Variants in MAPK8IP3 observed in about 807,000 individuals in gnomAD.
The protein encoded by MAPK8IP3 is C-Jun-amino-terminal kinase-interacting protein 3.
In MAPK8IP3, 49 loss-of-function variants were observed where a neutral mutation model predicts 157.8. The observed-to-expected ratio is 0.31, with a 90% confidence interval of 0.25 to 0.39. The LOEUF (loss-of-function observed/expected upper bound fraction) is 0.39. Ranked by LOEUF, MAPK8IP3 falls within the 10% of genes least tolerant of loss-of-function variation. The probability of loss-of-function intolerance (pLI) is 1.00; values close to 1 mark genes in which losing one functional copy is unlikely to be tolerated. For synonymous variants in MAPK8IP3, 897 were observed against 777.7 expected, an observed-to-expected ratio of 1.15 and a Z score of -2.55; for missense variants, 1,478 against 1,889.4, an observed-to-expected ratio of 0.78 and a Z score of 4.04.
chr16:1,765,615 G>A (rs192548842), intron 20 of MAPK8IP3, among the ~76,000 whole-genome samples: 155 of 152,344 alleles, frequency 1.0e-3, no homozygotes, highest in African/African-American at 3.3e-3. Flanking sequence ...CTGGGAGGAC[G>A]AAGGGGTGCC....
At chr16:1,750,298 C>A (rs551169639) in intron 8 of MAPK8IP3, among the ~76,000 whole-genome samples, 1 of 151,554 alleles carries the variant, frequency 6.6e-6, no homozygotes, top group Non-Finnish European at 1.5e-5. Context: ...CTGCAACCTC[C>A]GCCTCCCAGG....
chr16:1,766,504 C>G (rs989447321), intron 22 of MAPK8IP3, 25 bp from the exon 23 acceptor site: 26 of 1,609,242 alleles, frequency 1.6e-5, no homozygotes, highest in East Asian at 2.2e-5. Context: ...CGTGGCCCCC[C>G]CTGGAGCCAC....
At chr16:1,737,601 C>T (rs1312260098) in intron 4 of MAPK8IP3, among the ~76,000 whole-genome samples, 4 of 58,118 alleles carry the variant, frequency 6.9e-5, no homozygotes, top group Admixed American at 2.4e-4. Flanking sequence ...TCCGTGTGAG[C>T]GTGTGACCGT....
At position 1,751,133 on chromosome 16, in the gene MAPK8IP3, G is replaced by A. The variant is rs866511743; in HGVS notation, c.1216+2413G>A. On this transcript the variant is annotated intron_variant, in intron 8 of 31. Transcript: ENST00000610761. The surrounding 1 kb of genome is among the most constrained non-coding windows in gnomAD (Gnocchi z 5.0). ...TCGGTCCTTACTGCAGCATCAAGCC[G>A]CCCTCCTGCCAGTGTCCCCATTTAT... Among the ~76,000 whole-genome samples the A allele has an allele frequency of 5.9e-5, 9 of 152,198 alleles. No individual in the cohort carries two copies. Among genetic ancestry groups the A allele is most frequent in the Middle Eastern group, 6.8e-3 (2 of 294 alleles).
At chr16:1,720,326 G>A (rs1419533954) in intron 1 of MAPK8IP3, among the ~76,000 whole-genome samples, 4 of 152,124 alleles carry the variant, frequency 2.6e-5, no homozygotes, top group Admixed American at 6.6e-5. Flanking sequence ...ATGAGCCACC[G>A]TGCCCGGCCA....
At chr16:1,752,215 C>T (rs930738879) in intron 8 of MAPK8IP3, 15 of 163,532 alleles carry the variant, frequency 9.2e-5, no homozygotes, top group South Asian at 3.7e-4. Flanking sequence ...CCCACGAGAC[C>T]GTGAGGCAGT....
chr16:1,715,732 ATT>A (rs886713875), intron 1 of MAPK8IP3, among the ~76,000 whole-genome samples: 4 of 144,176 alleles, frequency 2.8e-5, no homozygotes, highest in Admixed American at 6.9e-5. Context: ...AGAGGTTTGG[ATT>A]TTTTTTTTTT....
rs1377132121 is a variant in MAPK8IP3 at position 1,764,403 on chromosome 16, G to A, written c.2224G>A (p.Asp742Asn). 1 of 1,603,414 alleles carries A rather than the reference G, an allele frequency of 6.2e-7. No homozygotes were observed. Among genetic ancestry groups the A allele is most frequent in the South Asian group, 1.1e-5 (1 of 89,640 alleles). Reference protein sequence around the residue: ...PAPGRDPLTCDREGDGEPKSA... With the variant: ...PAPGRDPLTCNREGDGEPKSA... ...GCCAGGCCGCGATCCCCTGACCTGC[G>A]ACCGCGAAGGAGACGGCGAGCCCAA... Residue 742 changes from aspartate to asparagine, a missense_variant, in exon 19 of 32, where the codon GAC becomes AAC. Asp to Asn is a conservative substitution (Grantham distance 23). Transcript: ENST00000610761.
intron 5 of MAPK8IP3, chr16:1,745,770 G>A (rs1190961169): frequency 2.0e-5 from 3 of 152,276 alleles, no homozygotes; most frequent in Non-Finnish European, 4.4e-5. Context: ...AGGAAGGTGT[G>A]TCATTTTGAG....
At chr16:1,738,927 C>T (rs550963778) in intron 4 of MAPK8IP3, among the ~76,000 whole-genome samples, 2 of 117,770 alleles carry the variant, frequency 1.7e-5, no homozygotes, top group South Asian at 3.0e-4. Context: ...TGTGTGTGAG[C>T]GTCCGTGTGA....
At chr16:1,725,255 C>T (rs2038798687) in intron 2 of MAPK8IP3, among the ~76,000 whole-genome samples, 1 of 150,646 alleles carries the variant, frequency 6.6e-6, no homozygotes, top group Non-Finnish European at 1.5e-5. Context: ...TTAGGCCAGG[C>T]GTGATGGCAT....
At chr16:1,749,062 T>C (rs143226645) in intron 8 of MAPK8IP3, among the ~76,000 whole-genome samples, 3 of 152,306 alleles carry the variant, frequency 2.0e-5, no homozygotes, top group Middle Eastern at 3.4e-3. Context: ...TAGGGAATAA[T>C]GACAGGAAAA....
Position 1,710,955 on chromosome 16 carries a change from C to T in MAPK8IP3, c.318+4298C>T, listed in dbSNP as rs2037729140. ...CCATGGAGAAGGAGGTACCTGCCAG[C>T]CAGAGAGAACACGGGACAGAGGCCG... On this transcript the variant is annotated intron_variant, in intron 1 of 31. Transcript: ENST00000610761. The surrounding 1 kb of genome is among the most constrained non-coding windows in gnomAD (Gnocchi z 4.1). Among the ~76,000 whole-genome samples the T allele has an allele frequency of 6.6e-6, 1 of 152,174 alleles. No individual in the cohort carries two copies.
intron 8 of MAPK8IP3, among the ~76,000 whole-genome samples, chr16:1,752,781 GAA>G: frequency 6.6e-6 from 1 of 150,822 alleles, no homozygotes; most frequent in South Asian, 2.1e-4. Flanking sequence ...AGAAGGAAAA[GAA>G]AAAGTCAGGC....
rs183857752 is a variant in MAPK8IP3 at position 1,710,988 on chromosome 16, C to T, written c.318+4331C>T. On this transcript the variant is annotated intron_variant, in intron 1 of 31. Transcript: ENST00000610761. The surrounding 1 kb of genome is among the most constrained non-coding windows in gnomAD (Gnocchi z 4.1). The stretch of plus-strand genomic sequence containing the variant: ...AACACGGGACAGAGGCCGAAGTGGC[C>T]CGGAGGCCGCTGGGCGCAGCCTGCC... Among the ~76,000 whole-genome samples the T allele has an allele frequency of 5.3e-5, 8 of 152,334 alleles. No individual in the cohort carries two copies. The highest frequency in any genetic ancestry group is 5.9e-5 in the Non-Finnish European group (4 of 68,036).
chr16:1,714,570 G>A (rs1406748124), intron 1 of MAPK8IP3, among the ~76,000 whole-genome samples: 1 of 152,004 alleles, frequency 6.6e-6, no homozygotes, highest in Non-Finnish European at 1.5e-5. Context: ...AGTTTCGGGG[G>A]GCCCCTTCCT....
chr16:1,748,670 C>T lies in MAPK8IP3; in HGVS notation c.1166C>T (p.Thr389Met), dbSNP rs775948713. 1.8e-5 allele frequency: 29 copies of T among 1,614,072 alleles called. No homozygotes were observed. The highest frequency in any genetic ancestry group is 5.0e-5 in the Admixed American group (3 of 60,014). Reference protein sequence around the residue: ...NTDSLYHELSTAGSEVIGDVD... With the variant: ...NTDSLYHELSMAGSEVIGDVD... ...GACTCCCTGTACCATGAGCTGTCGA[C>T]GGCAGGGTCTGAGGTCATCGGGGAT... The change falls in exon 8 of 32, where the codon ACG becomes ATG. Residue 389 changes from threonine (T) to methionine (M), a missense_variant. Thr to Met is a moderately conservative substitution (Grantham distance 81). This residue lies in a region of MAPK8IP3 where 315 missense variants were observed against 394.4 expected (regional missense o/e 0.80). Transcript: ENST00000610761.
intron 8 of MAPK8IP3, among the ~76,000 whole-genome samples, chr16:1,753,631 C>T (rs1446385958): frequency 3.3e-5 from 5 of 151,362 alleles, no homozygotes; most frequent in Non-Finnish European, 5.9e-5. Flanking sequence ...TTAGTAGAGA[C>T]GGGGTTTCAC....
chr16:1,758,944 G>A (rs995776140), intron 9 of MAPK8IP3, 34 bp from the exon 10 acceptor site: 3 of 1,613,454 alleles, frequency 1.9e-6, no homozygotes, highest in Non-Finnish European at 2.5e-6. Flanking sequence ...CGCCCTGGTT[G>A]CCCATCTCCT....
Sources: gnomAD v4.1 joint callset for allele counts (sites outside exome capture counted in the v4.1 genomes callset) on GRCh38, gnomAD v4.1.1 for gene constraint, gnomAD v4.1.1 regional missense constraint, Gnocchi (gnomAD v3.1) non-coding constraint, MANE v1.5 for transcripts, NCBI Gene and HGNC (gene_info 2026-07-23, HGNC 2026-07-21) for gene names.